The following GRB2 variants were observed in gnomAD, a reference collection of about 807,000 sequenced individuals.
GRB2 encodes growth factor receptor-bound protein 2.
GRB2 carries 2 observed loss-of-function variants against 27.4 expected under a neutral mutation model. That is an observed-to-expected ratio of 0.07 (90% CI 0.03 to 0.23). The LOEUF (loss-of-function observed/expected upper bound fraction) is 0.23, where lower values mean the gene tolerates loss of function less well. Among genes scored for constraint, GRB2 ranks in the 10% least tolerant of loss-of-function variants. The pLI is 1.00. For missense variants in GRB2, 102 were observed against 282.4 expected (o/e 0.36, Z 4.58); for synonymous variants, 94 against 99.6 (o/e 0.94, Z 0.33).
rs373238052 is a variant in GRB2, at chr17:75,392,212, TAGAAAC to T, written c.78+1333_78+1338del. ...GCATATTTTCTCTAGTTCAAGAAAA[TAGAAAC>T]CTAGTTTCTAGAAAATGGTTCCGTC... On this transcript the variant is annotated intron_variant, in intron 2 of 5. Transcript: ENST00000316804. Among the ~76,000 whole-genome samples the T allele has an allele frequency of 7.9e-3, 1,197 of 152,330 alleles. 20 individuals carry two copies. The highest frequency in any genetic ancestry group is 0.027 in the African/African-American group (1,138 of 41,574).
rs1598251445 is a variant in GRB2, at chr17:75,385,017, T to A, written c.78+8534A>T. On this transcript the variant is annotated intron_variant, in intron 2 of 5. Transcript: ENST00000316804. ...GACCAGCGTGGGCAACAGTGAGACC[T>A]CCTGGCTCTACCAAAAAAAAAAAAA... Among the ~76,000 whole-genome samples, 4 of 96,412 alleles carry A rather than the reference T, an allele frequency of 4.1e-5. No individual in the cohort carries two copies. In the South Asian group the frequency reaches 1.5e-3, roughly 37 times the overall value. The allele number at this position is 96,412 out of a possible 152,430, so 63.3% of individuals were successfully genotyped here. A position where few individuals can be genotyped will look rare whatever the true frequency, so the allele number is the denominator to read the frequency against.
chr17:75,334,179 AT>A (rs893138235), intron 2 of GRB2, among the ~76,000 whole-genome samples: 2 of 149,862 alleles, frequency 1.3e-5, no homozygotes, highest in African/African-American at 4.9e-5. Flanking sequence ...TTATTTATTT[AT>A]TTTTTTTTGA....
chr17:75,397,802 T>C (rs1410607151), intron 1 of GRB2, among the ~76,000 whole-genome samples: 1 of 147,428 alleles, frequency 6.8e-6, no homozygotes, highest in African/African-American at 2.5e-5. Flanking sequence ...GCCCGACATG[T>C]AATAATCACT....
At chr17:75,357,864 A>G (rs2078743758) in intron 2 of GRB2, among the ~76,000 whole-genome samples, 1 of 152,142 alleles carries the variant, frequency 6.6e-6, no homozygotes, top group South Asian at 2.1e-4. Context: ...GAGGTTGTAG[A>G]GAGCCAAGAT....
chr17:75,337,479 T>C (rs575899910), intron 2 of GRB2, among the ~76,000 whole-genome samples: 29 of 151,938 alleles, frequency 1.9e-4, no homozygotes, highest in African/African-American at 6.0e-4. Flanking sequence ...CATCTGAGGA[T>C]GAGGCTGCAC....
chr17:75,373,429 A>C (rs2078869025), intron 2 of GRB2: 1 of 152,212 alleles, frequency 6.6e-6, no homozygotes, highest in African/African-American at 2.4e-5. Flanking sequence ...AACTCTGCCA[A>C]ACACATTGAA....
At chr17:75,346,634 G>T (rs1264937728) in intron 2 of GRB2, among the ~76,000 whole-genome samples, 1 of 133,770 alleles carries the variant, frequency 7.5e-6, no homozygotes, top group Admixed American at 8.6e-5. Context: ...ACAGGCAGGA[G>T]TGCAGTGGTG....
chr17:75,380,590 C>T (rs534830625), intron 2 of GRB2, among the ~76,000 whole-genome samples: 4 of 152,314 alleles, frequency 2.6e-5, no homozygotes, highest in African/African-American at 9.6e-5. Context: ...ACTGGTTTGT[C>T]TGTCTTCCCA....
intron 2 of GRB2, among the ~76,000 whole-genome samples, chr17:75,385,029 C>CAAAAAAAAA (rs58860615): frequency 5.4e-5 from 3 of 55,324 alleles, no homozygotes; most frequent in African/African-American, 2.8e-4. Flanking sequence ...CTGGCTCTAC[C>CAAAAAAAAA]AAAAAAAAAA....
intron 2 of GRB2, among the ~76,000 whole-genome samples, chr17:75,346,021 GCTGA>G (rs905917709): frequency 2.0e-5 from 3 of 152,234 alleles, no homozygotes; most frequent in Admixed American, 2.0e-4. Context: ...AGCTCCTCTG[GCTGA>G]CTGTGAGATG....
At chr17:75,324,516 T>TTTTTTTG (rs2078484236) in intron 4 of GRB2, among the ~76,000 whole-genome samples, 10 of 62,138 alleles carry the variant, frequency 1.6e-4, no homozygotes, top group African/African-American at 4.5e-4. Flanking sequence ...AGTTTTTTTT[T>TTTTTTTG]TTTTTTTTTT....
intron 2 of GRB2, among the ~76,000 whole-genome samples, chr17:75,343,783 C>T (rs983312131): frequency 1.3e-5 from 2 of 152,156 alleles, no homozygotes; most frequent in African/African-American, 2.4e-5. Flanking sequence ...TTTGGTGGAG[C>T]TGAAATGCTC....
chr17:75,333,449 G>A (rs2078554742), intron 2 of GRB2, among the ~76,000 whole-genome samples: 1 of 152,104 alleles, frequency 6.6e-6, no homozygotes, highest in Non-Finnish European at 1.5e-5. Flanking sequence ...CAAACACATA[G>A]GAGAATAAGG....
At chr17:75,335,276 TG>T (rs2078569397) in intron 2 of GRB2, among the ~76,000 whole-genome samples, 1 of 152,030 alleles carries the variant, frequency 6.6e-6, no homozygotes, top group Admixed American at 6.6e-5. Context: ...AACAAAAATG[TG>T]AATACAACCC....
At chr17:75,389,588 T>C (rs530814320) in intron 2 of GRB2, among the ~76,000 whole-genome samples, 1 of 152,324 alleles carries the variant, frequency 6.6e-6, no homozygotes, top group South Asian at 2.1e-4. Flanking sequence ...GGCTCACGCC[T>C]GTAATCCCAG....
At chr17:75,355,571 C>G (rs886766784) in intron 2 of GRB2, among the ~76,000 whole-genome samples, 2 of 143,150 alleles carry the variant, frequency 1.4e-5, no homozygotes, top group African/African-American at 5.2e-5. Flanking sequence ...TTAAGCCACA[C>G]ATAAAATACA....
chr17:75,366,398 C>G (rs1046822175), intron 2 of GRB2, among the ~76,000 whole-genome samples: 1 of 150,862 alleles, frequency 6.6e-6, no homozygotes, highest in African/African-American at 2.4e-5. Flanking sequence ...TTTAAAATGC[C>G]CAGGACAGGA....
Position 75,320,282 on chromosome 17 carries a change from G to A in GRB2, c.*86C>T. ...CCAGGTGTTCTGCACTCCCTCACAG[G>A]CTGCTGTCAGAGGCAGCTTGTGGGT... On this transcript the variant is annotated 3_prime_UTR_variant, in exon 6 of 6. Coordinates refer to ENST00000316804, the MANE Select transcript of GRB2 (RefSeq NM_002086.5). The surrounding 1 kb of genome is among the most constrained non-coding windows in gnomAD (Gnocchi z 4.3). The A allele has an allele frequency of 2.5e-6, 3 of 1,182,824 alleles. No homozygotes were observed. The highest frequency in any genetic ancestry group is 3.8e-6 in the Non-Finnish European group (3 of 799,894). 73.3% of individuals were successfully genotyped at this position (1,182,824 alleles called of 1,614,324 possible).
chr17:75,351,979 T>C (rs2078695409), intron 2 of GRB2, among the ~76,000 whole-genome samples: 1 of 152,214 alleles, frequency 6.6e-6, no homozygotes, highest in African/African-American at 2.4e-5. Context: ...GGCCTTTGCA[T>C]TAAGAAAATG....
Sources: gnomAD v4.1 joint callset for allele counts (sites outside exome capture counted in the v4.1 genomes callset) on GRCh38, gnomAD v4.1.1 for gene constraint, Gnocchi (gnomAD v3.1) non-coding constraint, MANE v1.5 for transcripts, NCBI Gene and HGNC (gene_info 2026-07-23, HGNC 2026-07-21) for gene names.